The following FMNL2 variants were observed in gnomAD, a reference collection of about 807,000 sequenced individuals.
FMNL2 encodes formin like 2, also known as formin-like protein 2.
In FMNL2, 51 loss-of-function variants were observed where a neutral mutation model predicts 130.2. The ratio of observed to expected loss-of-function variants is 0.39; its 90% CI spans 0.31 to 0.49. The LOEUF is 0.49. Ranked by LOEUF, FMNL2 falls within the 20% of genes least tolerant of loss-of-function variation. The pLI is 0.85. For synonymous variants in FMNL2, 465 were observed against 467.1 expected (o/e 1.00, Z 0.06); for missense variants, 977 against 1,316.2 (o/e 0.74, Z 3.99).
chr2:152,397,342 G>T (rs11886407), intron 1 of FMNL2, among the ~76,000 whole-genome samples: 2 of 151,984 alleles, frequency 1.3e-5, no homozygotes, highest in Non-Finnish European at 2.9e-5. Flanking sequence ...GAAATTATTC[G>T]GATAGTTCAG....
At chr2:152,405,492 A>G (rs1004902216) in intron 1 of FMNL2, among the ~76,000 whole-genome samples, 1 of 152,242 alleles carries the variant, frequency 6.6e-6, no homozygotes, top group Non-Finnish European at 1.5e-5. Context: ...AAGCAAGCAT[A>G]GCTTCAACAC....
intron 1 of FMNL2, among the ~76,000 whole-genome samples, chr2:152,489,414 T>C (rs1691016387): frequency 6.6e-6 from 1 of 152,150 alleles, no homozygotes; most frequent in African/African-American, 2.4e-5. Flanking sequence ...AGGGGCCAGA[T>C]GTAGAAATGC....
chr2:152,644,019 C>T (rs2105979682), intron 25 of FMNL2: 1 of 522,804 alleles, frequency 1.9e-6, no homozygotes, highest in South Asian at 8.4e-5. Flanking sequence ...CACTTGAGCC[C>T]AGGAGTTTGA....
At position 152,426,538 on chromosome 2, in the gene FMNL2, C is replaced by T. The variant is rs112388294; in HGVS notation, c.117+90818C>T. Among the ~76,000 whole-genome samples the T allele has an allele frequency of 7.1e-3, 1,074 of 152,310 alleles. 11 individuals carry two copies. Among genetic ancestry groups the T allele is most frequent in the African/African-American group, 0.025 (1,022 of 41,574 alleles). Reference sequence around the variant, plus strand: ...ACTTTGTCACGTCACAAGATGAATACGTACTCAGACTTGATGTGAAATGCT... The same window carrying T: ...ACTTTGTCACGTCACAAGATGAATATGTACTCAGACTTGATGTGAAATGCT... On this transcript the variant is annotated intron_variant, in intron 1 of 25. Transcript: ENST00000288670.
intron 9 of FMNL2, among the ~76,000 whole-genome samples, chr2:152,593,888 TGTGTGTGTGTGTGTGA>T (rs1363021453): frequency 2.4e-4 from 27 of 111,308 alleles, no homozygotes; most frequent in African/African-American, 7.3e-4. Flanking sequence ...TGTGTGTGTG[TGTGTGTGTGTGTGTGA>T]GAGAGAGAGA....
At chr2:152,390,847 A>G (rs1685071756) in intron 1 of FMNL2, among the ~76,000 whole-genome samples, 1 of 152,236 alleles carries the variant, frequency 6.6e-6, no homozygotes, top group East Asian at 1.9e-4. Flanking sequence ...CAATTTGCCC[A>G]GCAAAAACAG....
chr2:152,527,306 G>A (rs1693442465), intron 2 of FMNL2, among the ~76,000 whole-genome samples: 1 of 152,170 alleles, frequency 6.6e-6, no homozygotes, highest in African/African-American at 2.4e-5. Context: ...GCCCCATTGT[G>A]TAACTGTTTT....
At chr2:152,521,596 G>T (rs1693089403) in intron 1 of FMNL2, among the ~76,000 whole-genome samples, 1 of 151,888 alleles carries the variant, frequency 6.6e-6, no homozygotes, top group Non-Finnish European at 1.5e-5. Context: ...TGTCTGGTGG[G>T]GCTACAGTGC....
chr2:152,579,229 C>G (rs1235879615), intron 8 of FMNL2, among the ~76,000 whole-genome samples: 1 of 152,110 alleles, frequency 6.6e-6, no homozygotes, highest in Non-Finnish European at 1.5e-5. Context: ...TTCCAGCATC[C>G]TTGCTGCTAA....
chr2:152,427,410 A>G (rs1362235201), intron 1 of FMNL2, among the ~76,000 whole-genome samples: 4 of 152,026 alleles, frequency 2.6e-5, no homozygotes, highest in African/African-American at 9.7e-5. Flanking sequence ...AGCCAGGCAT[A>G]GTGTTGTGCT....
At chr2:152,562,111 A>C (rs568808224) in intron 6 of FMNL2, among the ~76,000 whole-genome samples, 4 of 152,336 alleles carry the variant, frequency 2.6e-5, no homozygotes, top group African/African-American at 9.6e-5. Context: ...TGGATAAATC[A>C]AACTCCTGCC....
At chr2:152,434,805 A>T (rs934019957) in intron 1 of FMNL2, among the ~76,000 whole-genome samples, 1 of 152,074 alleles carries the variant, frequency 6.6e-6, no homozygotes, top group Non-Finnish European at 1.5e-5. Context: ...CTACTTATTC[A>T]GAGTTCCAGG....
intron 1 of FMNL2, among the ~76,000 whole-genome samples, chr2:152,371,668 CAAAA>C (rs71394476): frequency 1.5e-5 from 1 of 66,230 alleles, no homozygotes; most frequent in Non-Finnish European, 3.0e-5. Flanking sequence ...GACTCTGTCT[CAAAA>C]AAAAAAAAAA....
chr2:152,374,320 T>C (rs1157153796), intron 1 of FMNL2, among the ~76,000 whole-genome samples: 1 of 152,124 alleles, frequency 6.6e-6, no homozygotes, highest in African/African-American at 2.4e-5. Flanking sequence ...GCTTGGCCTG[T>C]GGGAGAGGGT....
chr2:152,608,687 G>A (rs1698522427), intron 10 of FMNL2, among the ~76,000 whole-genome samples: 1 of 151,992 alleles, frequency 6.6e-6, no homozygotes, highest in Non-Finnish European at 1.5e-5. Flanking sequence ...GCTGGCCCTG[G>A]TGATAAATAC....
At chr2:152,524,167 T>C (rs182653927) in intron 2 of FMNL2, among the ~76,000 whole-genome samples, 4 of 152,328 alleles carry the variant, frequency 2.6e-5, no homozygotes, top group Admixed American at 2.0e-4. Flanking sequence ...AATACATTCA[T>C]GTTGAAGATA....
chr2:152,537,535 A>G (rs1424794946), intron 2 of FMNL2, among the ~76,000 whole-genome samples: 1 of 152,150 alleles, frequency 6.6e-6, no homozygotes, highest in Non-Finnish European at 1.5e-5. Context: ...TGACTAACTT[A>G]TGTCTACTGA....
chr2:152,476,944 C>T (rs777864528), intron 1 of FMNL2, among the ~76,000 whole-genome samples: 3 of 152,080 alleles, frequency 2.0e-5, no homozygotes, highest in Non-Finnish European at 4.4e-5. Context: ...CATTTGGGGG[C>T]AGAAATTCCT....
At chr2:152,400,562 G>C (rs1460031805) in intron 1 of FMNL2, among the ~76,000 whole-genome samples, 1 of 152,240 alleles carries the variant, frequency 6.6e-6, no homozygotes, top group Non-Finnish European at 1.5e-5. Context: ...GCTGCAAAGA[G>C]TATGGAGGAG....
Sources: allele counts gnomAD v4.1 joint callset (sites outside exome capture counted in the v4.1 genomes callset), GRCh38; gene constraint gnomAD v4.1.1; transcripts MANE v1.5; gene names NCBI Gene and HGNC (gene_info 2026-07-23, HGNC 2026-07-21).